Variants in MAP4K3 observed in about 807,000 individuals in gnomAD.
The protein encoded by MAP4K3 is mitogen-activated protein kinase kinase kinase kinase 3.
In MAP4K3, 94 loss-of-function variants were observed where a neutral mutation model predicts 143.5. That is an observed-to-expected ratio of 0.65 (90% CI 0.55 to 0.78). The LOEUF (loss-of-function observed/expected upper bound fraction) is 0.78. Among genes scored for constraint, MAP4K3 ranks in the 30% least tolerant of loss-of-function variants. The pLI is 0.00. For synonymous variants in MAP4K3, 416 were observed against 347.2 expected, an observed-to-expected ratio of 1.20 and a Z score of -2.20; for missense variants, 1,077 against 1,068.1, an observed-to-expected ratio of 1.01 and a Z score of -0.12.
intron 2 of MAP4K3, among the ~76,000 whole-genome samples, chr2:39,361,375 C>G (rs899473024): frequency 5.3e-5 from 8 of 151,798 alleles, no homozygotes; most frequent in African/African-American, 1.9e-4. Flanking sequence ...GTTTCCCTAG[C>G]ACATTAGACT....
chr2:39,400,358 A>AT (rs1211765808), intron 1 of MAP4K3, among the ~76,000 whole-genome samples: 2 of 152,236 alleles, frequency 1.3e-5, no homozygotes, highest in African/African-American at 4.8e-5. Context: ...TGCTCATAAT[A>AT]TTTTAAAGTA....
At chr2:39,309,101 G>C (rs919423144) in intron 14 of MAP4K3, among the ~76,000 whole-genome samples, 18 of 151,662 alleles carry the variant, frequency 1.2e-4, no homozygotes, top group African/African-American at 4.3e-4. Context: ...TTACCTTTTT[G>C]TTTCCCACGA....
At chr2:39,386,638 C>A (rs1217253989) in intron 1 of MAP4K3, among the ~76,000 whole-genome samples, 1 of 152,092 alleles carries the variant, frequency 6.6e-6, no homozygotes, top group Non-Finnish European at 1.5e-5. Context: ...TCTTTCTTAT[C>A]ATTTGTGGAA....
chr2:39,325,601 G>A lies in MAP4K3; in HGVS notation c.835C>T (p.Arg279Trp), dbSNP rs754273500. Residue 279 changes from arginine to tryptophan, a missense_variant, in exon 12 of 34, where the codon CGG becomes TGG. This residue lies in a region of MAP4K3 where 864 missense variants were observed against 801.2 expected (regional missense o/e 1.08). Coordinates refer to ENST00000263881, the MANE Select transcript of MAP4K3 (RefSeq NM_003618.4). The part of the protein sequence containing the change: ...QHPFVTQHLT[R>W]SLAIELLDKV... Reference sequence around the variant, plus strand: ...TCCAACAGCTCGATTGCCAAAGACCGTGTCAAATGTTGTGTTACAAAAGGA... The same window carrying A: ...TCCAACAGCTCGATTGCCAAAGACCATGTCAAATGTTGTGTTACAAAAGGA... The A allele has an allele frequency of 1.1e-5, 18 of 1,612,856 alleles. No individual in the cohort carries two copies. The highest frequency in any genetic ancestry group is 1.7e-4 in the Middle Eastern group (1 of 5,848).
chr2:39,270,117 C>G (rs1680950672), intron 26 of MAP4K3, among the ~76,000 whole-genome samples: 2 of 152,156 alleles, frequency 1.3e-5, no homozygotes. Flanking sequence ...GGTTAAAACA[C>G]TGAACTAGTC....
intron 2 of MAP4K3, among the ~76,000 whole-genome samples, chr2:39,369,123 C>T (rs1460748699): frequency 6.6e-6 from 1 of 151,838 alleles, no homozygotes. Context: ...ATACTCTGAC[C>T]ATGTTACTAA....
intron 33 of MAP4K3, 102 bp from the exon 34 acceptor site, chr2:39,250,807 G>C: frequency 1.2e-6 from 1 of 835,270 alleles, no homozygotes; most frequent in South Asian, 1.6e-5. Flanking sequence ...CTCTATAAAT[G>C]CTGCTCATTT....
chr2:39,379,129 T>A (rs1165982422), intron 1 of MAP4K3, among the ~76,000 whole-genome samples: 2 of 152,076 alleles, frequency 1.3e-5, no homozygotes, highest in African/African-American at 2.4e-5. Context: ...TATTAATGGA[T>A]TGGTGAAAAT....
At chr2:39,393,988 C>G (rs563349514) in intron 1 of MAP4K3, among the ~76,000 whole-genome samples, 1 of 152,136 alleles carries the variant, frequency 6.6e-6, no homozygotes, top group Non-Finnish European at 1.5e-5. Flanking sequence ...CATATGCTTT[C>G]TCATGACATA....
In MAP4K3 at chr2:39,307,980, C is replaced by G. The variant is rs1682778074; in HGVS notation, c.1082G>C (p.Ser361Thr). 6 of 1,598,634 alleles carry G rather than the reference C, an allele frequency of 3.8e-6. No homozygotes were observed. The highest frequency in any genetic ancestry group is 5.1e-6 in the Non-Finnish European group (6 of 1,172,996). ...TGCAGTGTAGTATATTTCTTCTGAA[C>G]TGTCCAAAAAACCATCACTGTCGGG... ...ELPDSDGFLD[S>T]SEEIYYTARS... is the part of the protein sequence containing the mutation. The change falls in exon 15 of 34, where the codon AGT (serine) becomes ACT (threonine). Residue 361 changes from serine (S) to threonine (T), a missense_variant. By Grantham distance (58) the Ser-to-Thr change is moderately conservative (BLOSUM62 1). Around this residue, in one of 2 missense-constraint regions of MAP4K3, gnomAD observed 864 missense variants for 801.2 expected, o/e 1.08. Coordinates refer to ENST00000263881, the MANE Select transcript of MAP4K3 (RefSeq NM_003618.4).
chr2:39,329,360 T>A (rs1272785927), intron 8 of MAP4K3, among the ~76,000 whole-genome samples: 1 of 152,080 alleles, frequency 6.6e-6, no homozygotes, highest in Non-Finnish European at 1.5e-5. Context: ...CTTTGAAAAG[T>A]CCAGCAGACA....
At chr2:39,360,023 T>G (rs1189626314) in intron 2 of MAP4K3, among the ~76,000 whole-genome samples, 1 of 152,258 alleles carries the variant, frequency 6.6e-6, no homozygotes, top group Non-Finnish European at 1.5e-5. Context: ...TGTAAATTTC[T>G]GCAGCAGGTT....
chr2:39,260,458 G>A (rs1680521450), intron 29 of MAP4K3, 148 bp downstream of exon 29: 3 of 667,934 alleles, frequency 4.5e-6, no homozygotes, highest in African/African-American at 3.7e-5. Flanking sequence ...CTATTTTAAA[G>A]AGAGTAATCT....
chr2:39,346,837 C>T (rs992207106), intron 3 of MAP4K3, among the ~76,000 whole-genome samples: 3 of 151,992 alleles, frequency 2.0e-5, no homozygotes, highest in African/African-American at 7.3e-5. Flanking sequence ...ACTTCTCTGC[C>T]TCTGCCTGAG....
intron 1 of MAP4K3, among the ~76,000 whole-genome samples, chr2:39,382,891 TA>T (rs1666389704): frequency 1.3e-5 from 2 of 152,206 alleles, no homozygotes; most frequent in Admixed American, 1.3e-4. Context: ...TGTTACCATT[TA>T]TGCAGAGGTT....
chr2:39,286,966 T>A lies in MAP4K3; in HGVS notation c.1475-2A>T. Reference sequence around the variant, plus strand: ...ACTGGAAGGAGCTCATTCCATTTCCTTCAATAAGATATATTCATTGAAAAT... The same window carrying A: ...ACTGGAAGGAGCTCATTCCATTTCCATCAATAAGATATATTCATTGAAAAT... On this transcript the variant is annotated splice_acceptor_variant, in intron 20 of 33. Transcript: ENST00000263881. LOFTEE classifies it high-confidence loss of function. 1 of 1,556,684 alleles carries A rather than the reference T, an allele frequency of 6.4e-7. No homozygotes were observed. The highest frequency in any genetic ancestry group is 8.8e-7 in the Non-Finnish European group (1 of 1,134,944).
intron 19 of MAP4K3, among the ~76,000 whole-genome samples, 193 bp downstream of exon 19, chr2:39,290,099 A>AGAACACT (rs1681972748): frequency 1.3e-5 from 2 of 151,454 alleles, no homozygotes; most frequent in Non-Finnish European, 2.9e-5. Flanking sequence ...AAAAAAAAAA[A>AGAACACT]AAAAAAAAGA....
At chr2:39,397,163 T>C (rs1666831410) in intron 1 of MAP4K3, among the ~76,000 whole-genome samples, 1 of 152,178 alleles carries the variant, frequency 6.6e-6, no homozygotes, top group Non-Finnish European at 1.5e-5. Flanking sequence ...AAATGGATAG[T>C]GTAATGTCTC....
chr2:39,348,262 G>T (rs1665352657), intron 3 of MAP4K3, among the ~76,000 whole-genome samples: 1 of 151,374 alleles, frequency 6.6e-6, no homozygotes. Context: ...CTTGAAGTTG[G>T]TCTATTCTCT....
Sources: allele counts gnomAD v4.1 joint callset (sites outside exome capture counted in the v4.1 genomes callset), GRCh38; gene constraint gnomAD v4.1.1; regional missense constraint gnomAD v4.1.1; transcripts MANE v1.5; gene names NCBI Gene and HGNC (gene_info 2026-07-23, HGNC 2026-07-21).